Variants in KCNAB1 observed in about 807,000 individuals in gnomAD.
The protein encoded by KCNAB1 is potassium voltage-gated channel subfamily A regulatory beta subunit 1, also known as voltage-gated potassium channel subunit beta-1.
In KCNAB1, 35 loss-of-function variants were observed where a neutral mutation model predicts 64.6. The observed-to-expected ratio is 0.54, with a 90% CI of 0.41 to 0.72. KCNAB1 has a LOEUF of 0.72. Ranked by LOEUF, KCNAB1 falls within the 30% of genes least tolerant of loss-of-function variation. The pLI, the probability that KCNAB1 is intolerant of heterozygous loss-of-function variation, is 0.00. For missense variants in KCNAB1, 401 were observed against 512.9 expected, an observed-to-expected ratio of 0.78 and a Z score of 2.11; for synonymous variants, 177 against 183.8, an observed-to-expected ratio of 0.96 and a Z score of 0.30.
chr3:156,231,509 T>TCCCG (rs1716526781), intron 1 of KCNAB1, among the ~76,000 whole-genome samples: 1 of 25,078 alleles, frequency 4.0e-5, no homozygotes, highest in African/African-American at 1.5e-4. Context: ...CCTCCCTCCC[T>TCCCG]CCCTCCCTTC....
chr3:156,356,131 AAAAAG>A (rs1362878891), intron 1 of KCNAB1, among the ~76,000 whole-genome samples: 1 of 150,902 alleles, frequency 6.6e-6, no homozygotes, highest in Non-Finnish European at 1.5e-5. Context: ...AAAAAAAAAA[AAAAAG>A]AAAGAAAAGA....
intron 8 of KCNAB1, among the ~76,000 whole-genome samples, chr3:156,484,539 A>G (rs1163612721): frequency 2.6e-5 from 4 of 152,100 alleles, no homozygotes; most frequent in Non-Finnish European, 2.9e-5. Flanking sequence ...ATTTAACTCC[A>G]TATTCTGAGG....
intron 1 of KCNAB1, among the ~76,000 whole-genome samples, chr3:156,232,947 C>T (rs1049524096): frequency 3.3e-5 from 5 of 151,796 alleles, no homozygotes; most frequent in Admixed American, 2.0e-4. Flanking sequence ...GCTAAGAGGC[C>T]GTGTGGATTA....
intron 8 of KCNAB1, among the ~76,000 whole-genome samples, chr3:156,502,022 C>T (rs1275757004): frequency 6.6e-6 from 1 of 152,148 alleles, no homozygotes; most frequent in African/African-American, 2.4e-5. Context: ...AATTACCTCC[C>T]TCTGGGTCCC....
At chr3:156,190,660 A>C (rs1029344748) in intron 1 of KCNAB1, among the ~76,000 whole-genome samples, 2 of 152,094 alleles carry the variant, frequency 1.3e-5, no homozygotes, top group Non-Finnish European at 2.9e-5. Flanking sequence ...GGGCCAAATA[A>C]GGTGATGTCT....
intron 1 of KCNAB1, among the ~76,000 whole-genome samples, chr3:156,202,520 G>A (rs1001760597): frequency 6.6e-6 from 1 of 152,178 alleles, no homozygotes; most frequent in African/African-American, 2.4e-5. Context: ...CTTTCTGGCT[G>A]TGTCTAGTCA....
chr3:156,143,990 C>A (rs1295339001), intron 1 of KCNAB1, among the ~76,000 whole-genome samples: 1 of 151,718 alleles, frequency 6.6e-6, no homozygotes, highest in East Asian at 1.9e-4. Context: ...ACTAAACTTC[C>A]AATATCATTA....
chr3:156,218,717 T>C (rs1715478440), intron 1 of KCNAB1, among the ~76,000 whole-genome samples: 1 of 147,906 alleles, frequency 6.8e-6, no homozygotes, highest in Admixed American at 6.9e-5. Context: ...ATCACAGGAC[T>C]CTTTGCAGAC....
chr3:156,499,153 G>A (rs1716207481), intron 8 of KCNAB1, among the ~76,000 whole-genome samples: 1 of 152,228 alleles, frequency 6.6e-6, no homozygotes, highest in Non-Finnish European at 1.5e-5. Flanking sequence ...TTATCAGAGA[G>A]TCCTTCTCCA....
chr3:156,533,421 G>A (rs1443797072), intron 13 of KCNAB1, among the ~76,000 whole-genome samples: 2 of 152,186 alleles, frequency 1.3e-5, no homozygotes, highest in African/African-American at 4.8e-5. Flanking sequence ...ACTTTTCCCA[G>A]GAACTGCCAG....
chr3:156,119,826 C>T (rs189644503), upstream of KCNAB1, among the ~76,000 whole-genome samples: 226 of 152,308 alleles, frequency 1.5e-3, 1 homozygote, highest in Non-Finnish European at 2.5e-3. Flanking sequence ...TTCATGTACA[C>T]TGGGCACACA....
At chr3:156,241,166 AAGTT>A (rs1717141202) in intron 1 of KCNAB1, among the ~76,000 whole-genome samples, 1 of 152,218 alleles carries the variant, frequency 6.6e-6, no homozygotes, top group Non-Finnish European at 1.5e-5. Context: ...TGACAGTTGA[AAGTT>A]AGCCAAGAAG....
At chr3:156,255,025 T>C (rs751620603) in intron 1 of KCNAB1, among the ~76,000 whole-genome samples, 4 of 152,222 alleles carry the variant, frequency 2.6e-5, no homozygotes, top group Admixed American at 6.5e-5. Context: ...CCCTGCCGAG[T>C]TGACTATGTG....
chr3:156,162,014 G>A (rs1279174726), intron 1 of KCNAB1, among the ~76,000 whole-genome samples: 3 of 152,122 alleles, frequency 2.0e-5, no homozygotes, highest in African/African-American at 4.8e-5. Flanking sequence ...TCTTAAATAC[G>A]ACAGGGTTTT....
intron 1 of KCNAB1, among the ~76,000 whole-genome samples, chr3:156,171,306 A>G (rs1263802281): frequency 6.6e-6 from 1 of 152,056 alleles, no homozygotes; most frequent in East Asian, 1.9e-4. Context: ...AGAATAGTCT[A>G]TATTGGTTTC....
intron 13 of KCNAB1, 118 bp from the exon 14 acceptor site, chr3:156,536,540 T>C: frequency 1.3e-6 from 1 of 740,890 alleles, no homozygotes. Flanking sequence ...GGGCTTAGAT[T>C]TCAGCTGTGG....
At position 156,496,481 on chromosome 3, in the gene KCNAB1, G is replaced by A. The variant is rs138313228; in HGVS notation, c.659-17883G>A. Among the ~76,000 whole-genome samples the A allele has an allele frequency of 1.8e-3, 272 of 152,216 alleles. 1 individual carries two copies. Among genetic ancestry groups the A allele is most frequent in the African/African-American group, 4.3e-3 (179 of 41,534 alleles). Reference sequence around the variant, plus strand: ...CTTCGCTCCTCCTTTGCCTTCCACCGTAAGAGTGAGGCTTCTCCAGCCATG... The same window carrying A: ...CTTCGCTCCTCCTTTGCCTTCCACCATAAGAGTGAGGCTTCTCCAGCCATG... On this transcript the variant is annotated intron_variant, in intron 8 of 13. Transcript: ENST00000490337.
At chr3:156,379,927 C>A (rs2108144962) in intron 1 of KCNAB1, among the ~76,000 whole-genome samples, 1 of 152,166 alleles carries the variant, frequency 6.6e-6, no homozygotes, top group South Asian at 2.1e-4. Flanking sequence ...CTTCACCATG[C>A]GGTGGATGTA....
intron 1 of KCNAB1, among the ~76,000 whole-genome samples, chr3:156,412,935 A>G (rs549542120): frequency 6.6e-6 from 1 of 152,372 alleles, no homozygotes; most frequent in Admixed American, 6.5e-5. Context: ...ACAGACTGAC[A>G]TTCTGAATTT....
Sources: gnomAD v4.1 joint callset for allele counts (sites outside exome capture counted in the v4.1 genomes callset) on GRCh38, gnomAD v4.1.1 for gene constraint, MANE v1.5 for transcripts, NCBI Gene and HGNC (gene_info 2026-07-23, HGNC 2026-07-21) for gene names.